AP2A2: variants seen among roughly 807,000 people sequenced by gnomAD.
AP2A2 encodes AP-2 complex subunit alpha-2.
Under a neutral mutation model 104.2 loss-of-function variants are expected in AP2A2, and 32 were observed. That is an observed-to-expected ratio of 0.31 (90% CI 0.23 to 0.41). The LOEUF (loss-of-function observed/expected upper bound fraction) is 0.41, where lower values mean the gene tolerates loss of function less well. Ranked by LOEUF, AP2A2 falls within the 10% of genes least tolerant of loss-of-function variation. The pLI is 1.00. For synonymous variants in AP2A2, 539 were observed against 533.3 expected (o/e 1.01, Z -0.15); for missense variants, 912 against 1,261.0 (o/e 0.72, Z 4.19).
At chr11:1,003,988 G>C (rs888849054) in intron 16 of AP2A2, among the ~76,000 whole-genome samples, 184 bp downstream of exon 16, 4 of 147,948 alleles carry the variant, frequency 2.7e-5, no homozygotes, top group African/African-American at 9.8e-5. Context: ...AACACATCAA[G>C]ACCCCATCTC....
At chr11:948,163 G>C (rs536783207) in intron 1 of AP2A2, among the ~76,000 whole-genome samples, 1 of 152,262 alleles carries the variant, frequency 6.6e-6, no homozygotes, top group South Asian at 2.1e-4. Flanking sequence ...GCAAAGATGA[G>C]AGCAAAGATT....
rs1489220915 is a variant in AP2A2 at position 1,010,755 on chromosome 11, C to T, written c.*130C>T. Reference sequence around the variant, plus strand: ...ACAAGGCGCCTCCCCGCCCCGCCGCCCCACACCTCTCCCCTTTGGGCTGGA... The same window carrying T: ...ACAAGGCGCCTCCCCGCCCCGCCGCTCCACACCTCTCCCCTTTGGGCTGGA... On this transcript the variant is annotated 3_prime_UTR_variant, in exon 22 of 22. Coordinates refer to ENST00000448903, the MANE Select transcript of AP2A2 (RefSeq NM_012305.4). 4.0e-6 allele frequency: 3 copies of T among 757,802 alleles called. No homozygotes were observed. In the Admixed American group the frequency reaches 6.0e-5, roughly 15 times the overall value. The allele number at this position is 757,802 out of a possible 1,614,324, so 46.9% of individuals were successfully genotyped here.
At chr11:943,048 G>A (rs2134490239) in intron 1 of AP2A2, 1 of 152,370 alleles carries the variant, frequency 6.6e-6, no homozygotes, top group Non-Finnish European at 1.5e-5. Context: ...TTTATCCTGG[G>A]TGCCTTGTAG....
At chr11:1,005,697 G>A (rs10902266) in intron 16 of AP2A2, among the ~76,000 whole-genome samples, 4 of 151,898 alleles carry the variant, frequency 2.6e-5, no homozygotes, top group African/African-American at 9.7e-5. Flanking sequence ...TCCTCTGCCC[G>A]CCAGGGGTCT....
rs1854425629 is a variant in AP2A2 at position 961,269 on chromosome 11, G to A, written c.136+1764G>A. 2.6e-5 allele frequency among the ~76,000 whole-genome samples: 3 copies of A among 115,284 alleles called. No homozygotes were observed. The Admixed American group carries it at 3.0e-4, about 12-fold the overall frequency. 75.6% of individuals were successfully genotyped at this position (115,284 alleles called of 152,430 possible). On this transcript the variant is annotated intron_variant, in intron 2 of 21. Transcript: ENST00000448903. ...TGAAAAGTAAAGGGCAGAAGCAGAT[G>A]ATGTGGGTCTGACAGTCGCCGCCAC...
chr11:991,311 A>T (rs906459439), intron 10 of AP2A2, among the ~76,000 whole-genome samples: 3 of 152,190 alleles, frequency 2.0e-5, no homozygotes, highest in Non-Finnish European at 2.9e-5. Flanking sequence ...TGAGAGCAGG[A>T]CCGTGGGTTG....
intron 5 of AP2A2, 63 bp downstream of exon 5, chr11:977,287 A>C: frequency 6.6e-7 from 1 of 1,526,418 alleles, no homozygotes; most frequent in Non-Finnish European, 8.8e-7. Flanking sequence ...GGCCGTTGTG[A>C]AGACACCATG....
chr11:979,262 G>A (rs148450627), intron 5 of AP2A2, among the ~76,000 whole-genome samples: 2 of 150,256 alleles, frequency 1.3e-5, no homozygotes, highest in Admixed American at 6.7e-5. Flanking sequence ...GGAACACACC[G>A]TGAACATTCA....
chr11:954,454 GTATA>G (rs563560656), intron 1 of AP2A2, among the ~76,000 whole-genome samples: 128 of 152,162 alleles, frequency 8.4e-4, no homozygotes, highest in Middle Eastern at 6.8e-3. Context: ...ATGTATATGT[GTATA>G]TATGTTGTAT....
chr11:943,221 A>G (rs1223208172), intron 1 of AP2A2: 1 of 152,146 alleles, frequency 6.6e-6, no homozygotes, highest in East Asian at 1.9e-4. Context: ...TCAACAGCCG[A>G]GCTCCCCGAA....
intron 1 of AP2A2, chr11:946,832 G>A (rs2134505466): frequency 6.6e-6 from 1 of 151,496 alleles, no homozygotes; most frequent in South Asian, 2.1e-4. Flanking sequence ...TGTTGTTTTA[G>A]CCAACCTCCC....
At chr11:989,822 C>T (rs957153221) in intron 10 of AP2A2, among the ~76,000 whole-genome samples, 3 of 152,210 alleles carry the variant, frequency 2.0e-5, no homozygotes, top group Non-Finnish European at 4.4e-5. Flanking sequence ...CCGGTGTCCT[C>T]GCGTGGGGTT....
At position 1,008,398 on chromosome 11, in the gene AP2A2, GCC is replaced by G. The variant is rs200002905; in HGVS notation, c.2420+265_2420+266del. On this transcript the variant is annotated intron_variant, in intron 18 of 21. Transcript: ENST00000448903. ...CTAGGATCTTTCTGGGCACCATGGG[GCC>G]CACCTCATGGGGTGGCAGACAGCCA... 3.0e-3 allele frequency: 1,387 copies of G among 458,376 alleles called. 14 individuals carry two copies. The highest frequency in any genetic ancestry group is 0.023 in the African/African-American group (1,141 of 48,678). The allele number at this position is 458,376 out of a possible 1,614,324, so 28.4% of individuals were successfully genotyped here.
intron 1 of AP2A2, among the ~76,000 whole-genome samples, chr11:939,951 C>CT (rs145184268): frequency 0.084 from 8,864 of 105,894 alleles, 654 homozygotes; most frequent in African/African-American, 0.11. Flanking sequence ...GTTTTGCTTA[C>CT]TTTTTTTTTT....
At chr11:930,019 G>A (rs891075630) in intron 1 of AP2A2, among the ~76,000 whole-genome samples, 2 of 151,666 alleles carry the variant, frequency 1.3e-5, no homozygotes, top group Admixed American at 6.6e-5. Flanking sequence ...TACTCCGGGG[G>A]CTGAGGCGGA....
In AP2A2 at chr11:981,196, A is replaced by T; in HGVS notation, c.604-2A>T. ...GACTCTTGTGTGTGTGTTTTCTTTC[A>T]GGGTGTGGTAACTGCAGCCACAAGT... is the stretch of plus-strand genomic sequence containing the variant. On this transcript the variant is annotated splice_acceptor_variant, in intron 5 of 21. Coordinates refer to ENST00000448903, the MANE Select transcript of AP2A2 (RefSeq NM_012305.4). LOFTEE classifies it high-confidence loss of function. 6.2e-7 allele frequency: 1 copy of T among 1,608,756 alleles called. No individual in the cohort carries two copies. The highest frequency in any genetic ancestry group is 8.5e-7 in the Non-Finnish European group (1 of 1,177,658).
intron 1 of AP2A2, among the ~76,000 whole-genome samples, chr11:959,071 A>G (rs1434611751): frequency 6.6e-6 from 1 of 152,240 alleles, no homozygotes; most frequent in African/African-American, 2.4e-5. Flanking sequence ...TTAGCGGATG[A>G]CGATTTATCA....
intron 1 of AP2A2, chr11:940,974 G>A (rs1261555729): frequency 2.0e-5 from 9 of 455,414 alleles, no homozygotes; most frequent in African/African-American, 6.0e-5. Context: ...CTGTCACTGC[G>A]CTGTGCTGCT....
intron 2 of AP2A2, among the ~76,000 whole-genome samples, chr11:969,308 G>A (rs528848597): frequency 2.3e-5 from 3 of 130,392 alleles, no homozygotes; most frequent in African/African-American, 5.8e-5. Context: ...TTGGCTCACC[G>A]CAACCTCCGC....
Sources: gnomAD v4.1 joint callset for allele counts (sites outside exome capture counted in the v4.1 genomes callset) on GRCh38, gnomAD v4.1.1 for gene constraint, MANE v1.5 for transcripts, NCBI Gene and HGNC (gene_info 2026-07-23, HGNC 2026-07-21) for gene names.